SPAG16: variants seen among roughly 807,000 people sequenced by gnomAD.
The protein encoded by SPAG16 is sperm associated antigen 16.
A neutral mutation model predicts 80.4 loss-of-function variants in SPAG16; 86 were observed. That is an observed-to-expected ratio of 1.07 (90% CI 0.90 to 1.28). The LOEUF is 1.28. Ranked by LOEUF, SPAG16 falls within the 50% of genes most tolerant of loss-of-function variation. The probability of loss-of-function intolerance (pLI) is 0.00; values close to 1 mark genes in which losing one functional copy is unlikely to be tolerated. For synonymous variants in SPAG16, 294 were observed against 265.9 expected, an observed-to-expected ratio of 1.11 and a Z score of -1.03; for missense variants, 870 against 765.3, an observed-to-expected ratio of 1.14 and a Z score of -1.61.
chr2:213,996,072 T>C (rs572624642), intron 12 of SPAG16, among the ~76,000 whole-genome samples: 4 of 152,340 alleles, frequency 2.6e-5, no homozygotes, highest in African/African-American at 7.2e-5. Context: ...AGGTAGTTTC[T>C]GGTCTCTGTC....
chr2:214,128,993 A>G (rs2054626242), intron 14 of SPAG16, among the ~76,000 whole-genome samples: 1 of 151,810 alleles, frequency 6.6e-6, no homozygotes, highest in Admixed American at 6.7e-5. Flanking sequence ...TCTGTCTGTT[A>G]GGGCAGTCCT....
intron 12 of SPAG16, among the ~76,000 whole-genome samples, chr2:213,975,577 A>G (rs556939999): frequency 2.0e-5 from 3 of 152,114 alleles, no homozygotes; most frequent in South Asian, 2.1e-4. Flanking sequence ...TAAGTAAAAT[A>G]GAAAAGAAAT....
intron 7 of SPAG16, among the ~76,000 whole-genome samples, chr2:213,352,445 A>G (rs934681378): frequency 1.3e-5 from 2 of 152,096 alleles, no homozygotes; most frequent in African/African-American, 4.8e-5. Context: ...AGATGGGCCA[A>G]GCTTAAGCTT....
chr2:214,053,048 A>G (rs1461472216), intron 13 of SPAG16, among the ~76,000 whole-genome samples: 1 of 152,166 alleles, frequency 6.6e-6, no homozygotes. Context: ...TTCACATGGG[A>G]CCAAAAATTG....
At chr2:213,887,149 A>G (rs2076587456) in intron 11 of SPAG16, among the ~76,000 whole-genome samples, 1 of 152,114 alleles carries the variant, frequency 6.6e-6, no homozygotes, top group South Asian at 2.1e-4. Context: ...TAACCACAAT[A>G]CAATTAACAG....
chr2:213,871,887 G>C (rs62192582), intron 11 of SPAG16, among the ~76,000 whole-genome samples: 3 of 29,312 alleles, frequency 1.0e-4, no homozygotes, highest in African/African-American at 1.8e-4. Context: ...CACAGAGAGA[G>C]AGAGAGAGAG....
At chr2:214,215,080 A>T (rs2058393586) in intron 15 of SPAG16, among the ~76,000 whole-genome samples, 1 of 152,070 alleles carries the variant, frequency 6.6e-6, no homozygotes, top group African/African-American at 2.4e-5. Context: ...AAGAAATTCC[A>T]TCACTCTTTT....
intron 10 of SPAG16, among the ~76,000 whole-genome samples, chr2:213,853,499 T>G (rs1246828844): frequency 6.6e-6 from 1 of 152,242 alleles, no homozygotes; most frequent in Non-Finnish European, 1.5e-5. Flanking sequence ...GCCTGGTATA[T>G]TGTTTAACAA....
chr2:214,258,269 A>C (rs1055293306), intron 15 of SPAG16, among the ~76,000 whole-genome samples: 2 of 151,622 alleles, frequency 1.3e-5, no homozygotes, highest in African/African-American at 4.8e-5. Context: ...CGAGTCCCCA[A>C]ATTCCATTAT....
At chr2:214,226,140 A>G (rs777979772) in intron 15 of SPAG16, among the ~76,000 whole-genome samples, 13 of 152,136 alleles carry the variant, frequency 8.5e-5, no homozygotes, top group South Asian at 2.1e-4. Context: ...ATGATTTCTC[A>G]TAAGTCTCAA....
intron 13 of SPAG16, among the ~76,000 whole-genome samples, chr2:214,086,038 G>A (rs201379743): frequency 1.5e-4 from 23 of 152,154 alleles, no homozygotes; most frequent in Middle Eastern, 3.4e-3. Flanking sequence ...AAATTACTCC[G>A]AACATATGTG....
intron 15 of SPAG16, among the ~76,000 whole-genome samples, chr2:214,234,025 C>G (rs929297784): frequency 1.3e-5 from 2 of 151,936 alleles, no homozygotes; most frequent in African/African-American, 4.8e-5. Flanking sequence ...TCCTGATGCT[C>G]TCCCTCCTCC....
intron 15 of SPAG16, among the ~76,000 whole-genome samples, chr2:214,368,317 A>G (rs1171646417): frequency 6.6e-6 from 1 of 151,988 alleles, no homozygotes; most frequent in Non-Finnish European, 1.5e-5. Flanking sequence ...TTTCTTATCA[A>G]ACTTTTCTAC....
At chr2:213,514,335 G>A (rs1034307143) in intron 10 of SPAG16, among the ~76,000 whole-genome samples, 2 of 152,030 alleles carry the variant, frequency 1.3e-5, no homozygotes, top group African/African-American at 4.8e-5. Context: ...CTTGATGAAA[G>A]TTTAGGCTAA....
At chr2:213,338,860 C>T (rs2064523237) in intron 5 of SPAG16, among the ~76,000 whole-genome samples, 1 of 151,978 alleles carries the variant, frequency 6.6e-6, no homozygotes, top group East Asian at 1.9e-4. Flanking sequence ...TGGCGCCTGT[C>T]AGGGGGTGGA....
chr2:214,164,501 G>GA (rs2056571947), intron 15 of SPAG16, among the ~76,000 whole-genome samples: 2 of 152,110 alleles, frequency 1.3e-5, no homozygotes, highest in African/African-American at 4.8e-5. Flanking sequence ...CTTTTTGTGA[G>GA]TGAGATTGGA....
intron 15 of SPAG16, among the ~76,000 whole-genome samples, chr2:214,173,121 T>G (rs1303371943): frequency 2.6e-5 from 4 of 152,128 alleles, no homozygotes; most frequent in African/African-American, 9.7e-5. Flanking sequence ...ATTTGTCAAT[T>G]TTGGCTTTTG....
intron 10 of SPAG16, among the ~76,000 whole-genome samples, chr2:213,791,282 A>G (rs1172306552): frequency 1.3e-5 from 2 of 152,064 alleles, no homozygotes; most frequent in Admixed American, 1.3e-4. Context: ...ATTAAAGAAA[A>G]CTAAAGTTTG....
intron 10 of SPAG16, among the ~76,000 whole-genome samples, chr2:213,742,236 A>G (rs2067587379): frequency 6.6e-6 from 1 of 151,974 alleles, no homozygotes; most frequent in Non-Finnish European, 1.5e-5. Context: ...ATTGTTTACT[A>G]ATTTTGGAGA....
Sources: allele counts gnomAD v4.1 joint callset (sites outside exome capture counted in the v4.1 genomes callset), GRCh38; gene constraint gnomAD v4.1.1; transcripts MANE v1.5; gene names NCBI Gene and HGNC (gene_info 2026-07-23, HGNC 2026-07-21).